Variants in GRIK4 observed in about 807,000 individuals in gnomAD.
GRIK4 encodes the protein glutamate receptor ionotropic, kainate 4.
A neutral mutation model predicts 104.9 loss-of-function variants in GRIK4; 40 were observed. The ratio of observed to expected loss-of-function variants is 0.38; its 90% confidence interval spans 0.30 to 0.50. The LOEUF is 0.50. Ranked by LOEUF, GRIK4 falls within the 20% of genes least tolerant of loss-of-function variation. The pLI is 0.93. For missense variants in GRIK4, 1,047 were observed against 1,308.1 expected, an observed-to-expected ratio of 0.80 and a Z score of 3.08; for synonymous variants, 485 against 524.9, an observed-to-expected ratio of 0.92 and a Z score of 1.04.
intron 1 of GRIK4, among the ~76,000 whole-genome samples, chr11:120,512,735 G>A (rs1024833026): frequency 2.0e-5 from 3 of 152,184 alleles, no homozygotes; most frequent in Non-Finnish European, 1.5e-5. Flanking sequence ...GGTGGAGGGC[G>A]TGCAGGCGAC....
At chr11:120,813,147 G>T (rs1952863125) in intron 4 of GRIK4, among the ~76,000 whole-genome samples, 1 of 152,178 alleles carries the variant, frequency 6.6e-6, no homozygotes, top group Non-Finnish European at 1.5e-5. Flanking sequence ...TGTAGGAGTG[G>T]CTGGCTGCAA....
In GRIK4 at chr11:120,862,121, G is replaced by A; in HGVS notation, c.906+1G>A. 2 of 1,613,196 alleles carry A rather than the reference G, an allele frequency of 1.2e-6. No individual in the cohort carries two copies. Among genetic ancestry groups the A allele is most frequent in the Non-Finnish European group, 1.7e-6 (2 of 1,179,690 alleles). On this transcript the variant is annotated splice_donor_variant, in intron 9 of 20. Coordinates refer to ENST00000527524, the MANE Select transcript of GRIK4 (RefSeq NM_014619.5). LOFTEE classifies it high-confidence loss of function. ...CCATGTGCCCTTCACTGGGCCTGCG[G>A]TAAGTACCCGCCAGAGCTCTTCCTG...
rs1954743207 is a variant in GRIK4, at chr11:120,875,037, C to T, written c.1060-102C>T. Reference sequence around the variant, plus strand: ...AGGAGAAGGATCTTAACTGCTTTGCCTCTTCTGGGCATCCTTAAATAGCCC... The same window carrying T: ...AGGAGAAGGATCTTAACTGCTTTGCTTCTTCTGGGCATCCTTAAATAGCCC... On this transcript the variant is annotated intron_variant, in intron 10 of 20. Transcript: ENST00000527524. The T allele has an allele frequency of 7.9e-6, 6 of 758,100 alleles. 1 individual carries two copies. The South Asian group carries it at 8.9e-5, about 11-fold the overall frequency. The allele number at this position is 758,100 out of a possible 1,614,324, so 47.0% of individuals were successfully genotyped here. A position where few individuals can be genotyped will look rare whatever the true frequency, so the allele number is the denominator to read the frequency against.
At chr11:120,677,533 T>C (rs1565289567) in intron 3 of GRIK4, among the ~76,000 whole-genome samples, 1 of 152,228 alleles carries the variant, frequency 6.6e-6, no homozygotes, top group East Asian at 1.9e-4. Context: ...ATACTGACAA[T>C]GCCCTGTTTA....
intron 19 of GRIK4, among the ~76,000 whole-genome samples, chr11:120,981,634 A>G (rs1463277756): frequency 6.6e-6 from 1 of 152,260 alleles, no homozygotes; most frequent in Non-Finnish European, 1.5e-5. Context: ...GTTGACAAAG[A>G]TAGGTAAATA....
chr11:120,881,788 T>C (rs866972742), intron 11 of GRIK4, among the ~76,000 whole-genome samples: 1 of 151,762 alleles, frequency 6.6e-6, no homozygotes, highest in Non-Finnish European at 1.5e-5. Context: ...TCCGGGGGAG[T>C]TGGGATCCTC....
intron 11 of GRIK4, among the ~76,000 whole-genome samples, chr11:120,880,267 C>T (rs1163158162): frequency 2.0e-5 from 3 of 152,156 alleles, no homozygotes; most frequent in African/African-American, 7.2e-5. Context: ...CATAGAAAGC[C>T]GGCTCTACTG....
intron 14 of GRIK4, among the ~76,000 whole-genome samples, chr11:120,945,401 G>T (rs906050535): frequency 6.6e-6 from 1 of 152,168 alleles, no homozygotes; most frequent in African/African-American, 2.4e-5. Flanking sequence ...TAAGGGAAAG[G>T]TACCCTCTTG....
chr11:120,943,289 T>G (rs1943774025), intron 14 of GRIK4, among the ~76,000 whole-genome samples: 1 of 152,158 alleles, frequency 6.6e-6, no homozygotes, highest in Non-Finnish European at 1.5e-5. Flanking sequence ...CAGCTTACAC[T>G]AAGCAGAACT....
Position 120,987,776 on chromosome 11 carries a change from C to G in GRIK4, c.*1516C>G, listed in dbSNP as rs975450235. 6 of 152,222 alleles carry G rather than the reference C, an allele frequency of 3.9e-5. No homozygotes were observed. The highest frequency in any genetic ancestry group is 8.8e-5 in the Non-Finnish European group (6 of 68,060). 9.4% of individuals were successfully genotyped at this position (152,222 alleles called of 1,614,324 possible). ...CACACATCTGATGGGAGGGGCGAGGCTTTCTACAGCTGCTTGACCTTTGCT... is the reference window on the plus strand; with the variant it reads ...CACACATCTGATGGGAGGGGCGAGGGTTTCTACAGCTGCTTGACCTTTGCT... On this transcript the variant is annotated 3_prime_UTR_variant, in exon 21 of 21. Coordinates refer to ENST00000527524, the MANE Select transcript of GRIK4 (RefSeq NM_014619.5).
chr11:120,726,291 G>A (rs1004049366), intron 3 of GRIK4, among the ~76,000 whole-genome samples: 1 of 152,154 alleles, frequency 6.6e-6, no homozygotes, highest in African/African-American at 2.4e-5. Flanking sequence ...AAGCCTTTGG[G>A]ATCTGTTAAA....
chr11:120,758,375 T>C (rs1291061511), intron 3 of GRIK4, among the ~76,000 whole-genome samples: 1 of 152,206 alleles, frequency 6.6e-6, no homozygotes, highest in African/African-American at 2.4e-5. Flanking sequence ...TTCATAAACT[T>C]TTTTTTCTTT....
At chr11:120,542,389 T>A (rs1948046349) in intron 1 of GRIK4, among the ~76,000 whole-genome samples, 1 of 152,226 alleles carries the variant, frequency 6.6e-6, no homozygotes, top group South Asian at 2.1e-4. Context: ...TTCACATTAG[T>A]CTTGCCAGTG....
intron 1 of GRIK4, among the ~76,000 whole-genome samples, chr11:120,573,994 T>A (rs750446488): frequency 6.6e-6 from 1 of 152,074 alleles, no homozygotes; most frequent in Non-Finnish European, 1.5e-5. Flanking sequence ...GGCCTTAGAG[T>A]CCTGAGAGTA....
intron 3 of GRIK4, among the ~76,000 whole-genome samples, chr11:120,779,676 A>G (rs1018959449): frequency 1.3e-5 from 2 of 152,226 alleles, no homozygotes; most frequent in South Asian, 2.1e-4. Context: ...TGCCCACCAT[A>G]TAAGGCAGAA....
At chr11:120,796,033 GA>G (rs1952506337) in intron 3 of GRIK4, among the ~76,000 whole-genome samples, 1 of 92,918 alleles carries the variant, frequency 1.1e-5, no homozygotes, top group Non-Finnish European at 1.9e-5. Context: ...TTTTTTTCCT[GA>G]ATTTTTTTTT....
chr11:120,928,213 T>TACA (rs369895794), intron 13 of GRIK4, among the ~76,000 whole-genome samples: 1 of 126,352 alleles, frequency 7.9e-6, no homozygotes, highest in Non-Finnish European at 1.6e-5. Context: ...GACTCCGTCT[T>TACA]AAAAAAAAAA....
At chr11:120,726,900 A>G (rs73012315) in intron 3 of GRIK4, among the ~76,000 whole-genome samples, 5,360 of 152,324 alleles carry the variant, frequency 0.035, 123 homozygotes, top group East Asian at 0.094. Flanking sequence ...AAATCCATAG[A>G]CAACATTTAC....
At chr11:120,960,851 G>T in intron 16 of GRIK4, 58 bp from the exon 17 acceptor site, 1 of 1,422,528 alleles carries the variant, frequency 7.0e-7, no homozygotes, top group Non-Finnish European at 9.8e-7. Context: ...TGGGGTCAGG[G>T]GCCAAGACTC....
Sources: gnomAD v4.1 joint callset for allele counts (sites outside exome capture counted in the v4.1 genomes callset) on GRCh38, gnomAD v4.1.1 for gene constraint, MANE v1.5 for transcripts, NCBI Gene and HGNC (gene_info 2026-07-23, HGNC 2026-07-21) for gene names.